The following FOXP4 variants were observed in gnomAD, a reference collection of about 807,000 sequenced individuals.
FOXP4 encodes the protein forkhead box P4.
Under a neutral mutation model 82.6 loss-of-function variants are expected in FOXP4, and 25 were observed. The observed-to-expected ratio is 0.30, with a 90% CI of 0.22 to 0.42. The LOEUF is 0.42. Ranked by LOEUF, FOXP4 falls within the 10% of genes least tolerant of loss-of-function variation. The pLI is 1.00. For synonymous variants in FOXP4, 415 were observed against 388.2 expected, an observed-to-expected ratio of 1.07 and a Z score of -0.81; for missense variants, 785 against 900.9, an observed-to-expected ratio of 0.87 and a Z score of 1.65.
At chr6:41,571,183 T>TTGC (rs5875761) in intron 2 of FOXP4, among the ~76,000 whole-genome samples, 4,942 of 152,258 alleles carry the variant, frequency 0.032, 277 homozygotes, top group East Asian at 0.18. Context: ...TTTCACCTCC[T>TTGC]TGCTGGAGGT....
At chr6:41,594,071 T>A (rs1055799324) in intron 13 of FOXP4, among the ~76,000 whole-genome samples, 19 of 152,130 alleles carry the variant, frequency 1.2e-4, no homozygotes, top group Non-Finnish European at 2.4e-4. Flanking sequence ...AGGGCCCTAG[T>A]CCGGGCTCCC....
Position 41,587,045 on chromosome 6 carries a change from C to A in FOXP4, c.547C>A (p.Leu183Ile). The change falls in exon 6 of 17, where the codon CTC becomes ATC. Residue 183 changes from leucine (L) to isoleucine (I), a missense_variant. Leu to Ile is a conservative substitution (Grantham distance 5, BLOSUM62 2). Transcript: ENST00000307972. ...CAAGCAGCTGGCCTTCCAGCAGCAG[C>A]TCCTGCAAATGCAACAGTTGCAGCA... ...GNKQLAFQQQLLQMQQLQQQH... is the reference protein window; with the variant it reads ...GNKQLAFQQQILQMQQLQQQH... The A allele has an allele frequency of 6.2e-7, 1 of 1,601,872 alleles. No homozygotes were observed.
At position 41,602,019 on chromosome 6, in the gene FOXP4, C is replaced by G. The variant is rs1767227982; in HGVS notation, c.*3083C>G. The stretch of plus-strand genomic sequence containing the variant: ...GTCTTTGCTGACCTCTCTCTACTCT[C>G]AGGCATGTCTTTTGTCCTTTTCGTC... On this transcript the variant is annotated 3_prime_UTR_variant, in exon 17 of 17. Transcript: ENST00000307972. The G allele has an allele frequency of 6.6e-6, 1 of 152,332 alleles. No homozygotes were observed. 9.4% of individuals were successfully genotyped at this position (152,332 alleles called of 1,614,324 possible).
In FOXP4 at chr6:41,597,769, GTGCCCCT is replaced by G; in HGVS notation, c.1726-11_1726-5del. The G allele has an allele frequency of 6.2e-7, 1 of 1,604,720 alleles. No homozygotes were observed. The highest frequency in any genetic ancestry group is 2.2e-5 in the East Asian group (1 of 44,772). On this transcript the variant is annotated splice_polypyrimidine_tract_variant and splice_region_variant and intron_variant, in intron 15 of 16. Transcript: ENST00000307972. ...GGAGCCACTGACGAGGCCCAACCCT[GTGCCCCT>G]GCAGGCCGCCCTGGCCGAGAGCAGC...
chr6:41,598,889 G>A lies in FOXP4; in HGVS notation c.1996G>A (p.Glu666Lys), dbSNP rs955712274. 11 of 1,606,532 alleles carry A rather than the reference G, an allele frequency of 6.8e-6. No individual in the cohort carries two copies. The African/African-American group carries it at 1.1e-4, about 16-fold the overall frequency. Residue 666 changes from glutamate to lysine, a missense_variant, in exon 17 of 17, where the codon GAA becomes AAA. Transcript: ENST00000307972. ...APNPSASGPP[E>K]DRDLEEELPG... ...TAACCCCAGCGCCTCGGGGCCTCCG[G>A]AAGACAGGGACCTGGAGGAGGAGCT...
chr6:41,551,174 A>G (rs1357798591), intron 1 of FOXP4, among the ~76,000 whole-genome samples: 1 of 152,194 alleles, frequency 6.6e-6, no homozygotes, highest in Non-Finnish European at 1.5e-5. Context: ...GGGCCCTTGC[A>G]GAGCCTGGAC....
chr6:41,571,395 C>T (rs1034843955), intron 2 of FOXP4, among the ~76,000 whole-genome samples: 4 of 152,206 alleles, frequency 2.6e-5, no homozygotes, highest in African/African-American at 7.2e-5. Context: ...TTTGAAGGAT[C>T]GCAGTTCCTC....
chr6:41,588,820 G>A (rs1426866660), intron 9 of FOXP4, 89 bp downstream of exon 9: 4 of 1,446,856 alleles, frequency 2.8e-6, no homozygotes, highest in Non-Finnish European at 3.9e-6. Flanking sequence ...GCTCTGTTGG[G>A]AGGGTCTCAT....
intron 14 of FOXP4, among the ~76,000 whole-genome samples, chr6:41,596,275 G>A (rs1766827542): frequency 6.6e-6 from 1 of 152,234 alleles, no homozygotes; most frequent in African/African-American, 2.4e-5. Flanking sequence ...CGTAGCAGCA[G>A]TGGCCTTCTC....
intron 8 of FOXP4, among the ~76,000 whole-genome samples, chr6:41,588,199 G>A (rs1383041390): frequency 6.6e-6 from 1 of 152,172 alleles, no homozygotes; most frequent in Non-Finnish European, 1.5e-5. Flanking sequence ...CTCCCCTCCA[G>A]CCTCAGCCCC....
chr6:41,547,000 T>TGGGCGCC (rs1763666086), intron 1 of FOXP4, 133 bp downstream of exon 1: 1 of 151,106 alleles, frequency 6.6e-6, no homozygotes, highest in Admixed American at 6.6e-5. Context: ...CGAGACGCGC[T>TGGGCGCC]GGGCGCCGGG....
In FOXP4 at chr6:41,585,475, G is replaced by C. The variant is rs141899153; in HGVS notation, c.468G>C (p.Gln156His). The C allele has an allele frequency of 2.5e-6, 4 of 1,613,802 alleles. No homozygotes were observed. The Admixed American group carries it at 5.0e-5, about 20-fold the overall frequency. ...AGCAGCAGGAGCAGCTCCACCTGCA[G>C]CTCCTCACCCAGCAGCAGGCTGGGA... ...YKKQQEQLHLQLLTQQQAGKP... is the reference protein window; with the variant it reads ...YKKQQEQLHLHLLTQQQAGKP... The change falls in exon 5 of 17, where the codon CAG becomes CAC. Residue 156 changes from glutamine (Q) to histidine (H), a missense_variant. By Grantham distance (24) the Gln-to-His change is conservative (BLOSUM62 0). Coordinates refer to ENST00000307972, the MANE Select transcript of FOXP4 (RefSeq NM_001012426.2).
intron 4 of FOXP4, 52 bp from the exon 5 acceptor site, chr6:41,585,379 G>A: frequency 2.5e-6 from 4 of 1,584,932 alleles, no homozygotes; most frequent in Non-Finnish European, 3.5e-6. Flanking sequence ...CAGGGCTGGG[G>A]TTGTGGGGAT....
chr6:41,575,133 T>C (rs1030923793), intron 2 of FOXP4, among the ~76,000 whole-genome samples: 1 of 152,152 alleles, frequency 6.6e-6, no homozygotes, highest in East Asian at 1.9e-4. Flanking sequence ...CACGCCTGGC[T>C]AATTTTTTGT....
chr6:41,576,868 G>A (rs539529443), intron 2 of FOXP4, among the ~76,000 whole-genome samples: 22 of 152,148 alleles, frequency 1.4e-4, no homozygotes, highest in Non-Finnish European at 2.9e-4. Flanking sequence ...CCTGTGTCAA[G>A]GGCTTAGACA....
At chr6:41,586,552 A>T (rs984433432) in intron 5 of FOXP4, among the ~76,000 whole-genome samples, 9 of 152,218 alleles carry the variant, frequency 5.9e-5, no homozygotes, top group African/African-American at 2.2e-4. Flanking sequence ...CAAGAGAGGA[A>T]AAGAGCTGGG....
At chr6:41,595,075 C>G in intron 14 of FOXP4, 84 bp downstream of exon 14, 1 of 1,575,092 alleles carries the variant, frequency 6.3e-7, no homozygotes, top group Non-Finnish European at 8.6e-7. Context: ...CTCCAGGGTA[C>G]ACATGTGCAC....
chr6:41,592,904 G>T (rs1766599773), intron 13 of FOXP4, among the ~76,000 whole-genome samples: 1 of 152,076 alleles, frequency 6.6e-6, no homozygotes. Flanking sequence ...GTTCCTCCTA[G>T]TTCTTCACCC....
chr6:41,561,492 C>A (rs1032818611), intron 1 of FOXP4, among the ~76,000 whole-genome samples: 2 of 152,200 alleles, frequency 1.3e-5, no homozygotes, highest in South Asian at 4.1e-4. Flanking sequence ...AGCCTAGAAA[C>A]CAGATGGTCT....
Sources: allele counts gnomAD v4.1 joint callset (sites outside exome capture counted in the v4.1 genomes callset), GRCh38; gene constraint gnomAD v4.1.1; transcripts MANE v1.5; gene names NCBI Gene and HGNC (gene_info 2026-07-23, HGNC 2026-07-21).